FGF13: variants seen among roughly 807,000 people sequenced by gnomAD.
FGF13 encodes the protein fibroblast growth factor homologous factor 2.
In FGF13, 2 loss-of-function variants were observed where a neutral mutation model predicts 19.5. The ratio of observed to expected loss-of-function variants is 0.10; its 90% CI spans 0.04 to 0.32. The LOEUF (loss-of-function observed/expected upper bound fraction) is 0.32. Among genes scored for constraint, FGF13 ranks in the 10% least tolerant of loss-of-function variants. The pLI is 1.00. For missense variants in FGF13, 113 were observed against 192.7 expected, an observed-to-expected ratio of 0.59 and a Z score of 2.45; for synonymous variants, 72 against 76.9, an observed-to-expected ratio of 0.94 and a Z score of 0.33.
intron 1 of FGF13, among the ~76,000 whole-genome samples, chrX:138,893,112 A>G (rs778969989): frequency 9.0e-6 from 1 of 111,571 alleles, no homozygotes; most frequent in African/African-American, 3.3e-5. Context: ...GAGAAAGGGG[A>G]CAATTAAGAG....
At chrX:138,750,456 CTTGT>C (rs1295912753) in intron 3 of FGF13, among the ~76,000 whole-genome samples, 1 of 110,258 alleles carries the variant, frequency 9.1e-6, no homozygotes, top group African/African-American at 3.3e-5. Context: ...GGTACATGTG[CTTGT>C]TTGTTACATG....
chrX:138,871,353 T>C (rs112534073), intron 1 of FGF13, among the ~76,000 whole-genome samples: 118 of 111,381 alleles, frequency 1.1e-3, no homozygotes, highest in African/African-American at 3.7e-3. Flanking sequence ...ATTCAAAGCA[T>C]ACAGTATATA....
intron 3 of FGF13, among the ~76,000 whole-genome samples, chrX:138,642,208 G>T (rs2089258125): frequency 1.1e-5 from 1 of 94,848 alleles, no homozygotes; most frequent in African/African-American, 3.8e-5. Flanking sequence ...AGAAAAGGGG[G>T]AGAGGGTGAG....
rs562717009 is a variant in FGF13 at position 138,914,054 on chromosome X, T to C, written c.-112-49404A>G. Among the ~76,000 whole-genome samples, 55 of 109,452 alleles carry C rather than the reference T, an allele frequency of 5.0e-4. 1 individual carries two copies. In the South Asian group the frequency reaches 0.022, roughly 44 times the overall value. ...AAAATAAAGAAAATGCAAAACATCA[T>C]GGAAAATTTTCATAAGACTTTGACA... On this transcript the variant is annotated intron_variant, in intron 1 of 2. Coordinates refer to the FGF13 transcript ENST00000421460.
In FGF13 at chrX:138,705,722, CAG is replaced by C. The variant is rs1569369661; in HGVS notation, c.299-2637_299-2636del. ...AGATAAAAATGCAAAGAAATTATAT[CAG>C]GGGTGAGCTTAAACCAAATAAATAT... On this transcript the variant is annotated intron_variant, in intron 2 of 4. Coordinates refer to ENST00000315930, the MANE Select transcript of FGF13 (RefSeq NM_004114.5). Among the ~76,000 whole-genome samples, 3 of 111,741 alleles carry C rather than the reference CAG, an allele frequency of 2.7e-5. No homozygotes were observed. In the East Asian group the frequency reaches 8.5e-4, roughly 32 times the overall value.
intron 3 of FGF13, among the ~76,000 whole-genome samples, chrX:138,658,941 C>T (rs1313701459): frequency 1.8e-5 from 2 of 111,630 alleles, no homozygotes; most frequent in Non-Finnish European, 3.8e-5. Context: ...AAACATTCGC[C>T]TCTATCACCT....
intron 3 of FGF13, among the ~76,000 whole-genome samples, chrX:138,678,821 A>G (rs2089699510): frequency 8.9e-6 from 1 of 111,987 alleles, no homozygotes; most frequent in Non-Finnish European, 1.9e-5. Context: ...TTTTCTTTAT[A>G]AAATGTTTCA....
intron 1 of FGF13, among the ~76,000 whole-genome samples, chrX:138,970,342 C>T (rs985400816): frequency 1.8e-5 from 2 of 111,298 alleles, no homozygotes; most frequent in Non-Finnish European, 3.8e-5. Context: ...CAGTGAGTCA[C>T]GCAGCTACTA....
chrX:139,112,519 ACAAAAGCTTGCACCCATTAG>A (rs2083610750), intron 1 of FGF13, among the ~76,000 whole-genome samples: 1 of 111,988 alleles, frequency 8.9e-6, no homozygotes, highest in South Asian at 3.7e-4. Context: ...TCTCCCAGAA[ACAAAAGCTTGCACCCATTAG>A]CAGTCCTTTT....
At chrX:138,980,578 C>A (rs506899) in intron 1 of FGF13, among the ~76,000 whole-genome samples, 4 of 111,008 alleles carry the variant, frequency 3.6e-5, no homozygotes, top group African/African-American at 1.3e-4. Flanking sequence ...TGCTAACACT[C>A]TTCCCATGAA....
intron 3 of FGF13, among the ~76,000 whole-genome samples, chrX:138,687,954 T>G (rs1416180757): frequency 1.1e-5 from 1 of 88,333 alleles, no homozygotes. Flanking sequence ...AAAAATTGGA[T>G]TTTTTTTTTT....
At chrX:139,144,242 C>G (rs111258065) in intron 1 of FGF13, among the ~76,000 whole-genome samples, 1 of 111,940 alleles carries the variant, frequency 8.9e-6, no homozygotes, top group African/African-American at 3.2e-5. Flanking sequence ...GTGAAAAGAA[C>G]TCTGACCTTA....
At chrX:138,798,110 G>C (rs1430345920) in intron 3 of FGF13, among the ~76,000 whole-genome samples, 2 of 111,954 alleles carry the variant, frequency 1.8e-5, no homozygotes, top group Non-Finnish European at 3.8e-5. Flanking sequence ...TTGAATAGGA[G>C]TGGTGGGAGA....
chrX:139,068,786 T>G (rs1000208547), intron 1 of FGF13, among the ~76,000 whole-genome samples: 1 of 111,321 alleles, frequency 9.0e-6, no homozygotes, highest in Non-Finnish European at 1.9e-5. Flanking sequence ...GACTCTCTGT[T>G]TGTCTGTTGT....
intron 3 of FGF13, among the ~76,000 whole-genome samples, chrX:138,687,028 G>GT (rs758607546): frequency 1.4e-4 from 16 of 111,984 alleles, no homozygotes; most frequent in Admixed American, 2.8e-4. Flanking sequence ...AGATCTAAAT[G>GT]TAAGTCCTGA....
At chrX:139,147,612 G>C (rs1346642727) in intron 1 of FGF13, among the ~76,000 whole-genome samples, 1 of 111,793 alleles carries the variant, frequency 8.9e-6, no homozygotes, top group Admixed American at 9.5e-5. Flanking sequence ...GAAAACAACA[G>C]GAATGCATTC....
At chrX:138,982,225 T>C (rs1454687080) in intron 1 of FGF13, among the ~76,000 whole-genome samples, 1 of 111,368 alleles carries the variant, frequency 9.0e-6, no homozygotes, top group East Asian at 2.8e-4. Flanking sequence ...GATTCAGGGA[T>C]ATGATTTTGT....
At chrX:139,150,447 T>C (rs1231866176) in intron 1 of FGF13, among the ~76,000 whole-genome samples, 5 of 112,357 alleles carry the variant, frequency 4.5e-5, no homozygotes, top group Non-Finnish European at 9.4e-5. Context: ...AACCCACCTA[T>C]CCACAATGAC....
intron 1 of FGF13, among the ~76,000 whole-genome samples, chrX:139,194,702 C>A (rs1479869741): frequency 9.0e-6 from 1 of 111,413 alleles, no homozygotes; most frequent in Non-Finnish European, 1.9e-5. Context: ...TGAGCCCCGC[C>A]CGGCCACCAC....
Sources: allele counts gnomAD v4.1 joint callset (sites outside exome capture counted in the v4.1 genomes callset), GRCh38; gene constraint gnomAD v4.1.1; transcripts MANE v1.5; gene names NCBI Gene and HGNC (gene_info 2026-07-23, HGNC 2026-07-21).